The following HECW2 variants were observed in gnomAD, a reference collection of about 807,000 sequenced individuals.
HECW2 encodes E3 ubiquitin-protein ligase HECW2.
Under a neutral mutation model 175.2 loss-of-function variants are expected in HECW2, and 61 were observed. The observed-to-expected ratio is 0.35, with a 90% CI of 0.28 to 0.43. The LOEUF (loss-of-function observed/expected upper bound fraction) is 0.43, where lower values mean the gene tolerates loss of function less well. HECW2 is among the 20% of genes least tolerant of loss of function. HECW2 has a pLI of 1.00. For synonymous variants in HECW2, 671 were observed against 731.0 expected (o/e 0.92, Z 1.32); for missense variants, 1,524 against 2,000.5 (o/e 0.76, Z 4.54).
chr2:196,533,057 T>A (rs1003418802), intron 1 of HECW2, among the ~76,000 whole-genome samples: 3 of 152,240 alleles, frequency 2.0e-5, no homozygotes, highest in Admixed American at 6.5e-5. Context: ...GGAGACCAAC[T>A]GAATTTCCCC....
chr2:196,272,073 G>C lies in HECW2; in HGVS notation c.3239-784C>G, dbSNP rs545360244. Among the ~76,000 whole-genome samples the C allele has an allele frequency of 5.9e-5, 9 of 152,284 alleles. No homozygotes were observed. In the South Asian group the frequency reaches 1.9e-3, roughly 32 times the overall value. On this transcript the variant is annotated intron_variant, in intron 16 of 28. Transcript: ENST00000644978. ...AGTCAGAAATGAAAAACCATCTTCT[G>C]ATTGATTAGCAGCCAGCCAGGGAGG...
chr2:196,239,026 T>C (rs1203516764), intron 21 of HECW2: 3 of 152,234 alleles, frequency 2.0e-5, no homozygotes, highest in Non-Finnish European at 4.4e-5. Flanking sequence ...AGACTGATTA[T>C]GTAAGGAAAT....
chr2:196,372,174 G>T (rs1693926027), intron 2 of HECW2, among the ~76,000 whole-genome samples: 1 of 152,074 alleles, frequency 6.6e-6, no homozygotes, highest in South Asian at 2.1e-4. Flanking sequence ...TCATCTTAAT[G>T]CCAGGTCCCT....
chr2:196,259,281 C>T (rs1220475602), intron 17 of HECW2, among the ~76,000 whole-genome samples: 1 of 152,200 alleles, frequency 6.6e-6, no homozygotes, highest in Admixed American at 6.5e-5. Flanking sequence ...CCAAGTTGCA[C>T]TGATTTTTAT....
intron 28 of HECW2, among the ~76,000 whole-genome samples, chr2:196,206,975 G>C (rs10182960): frequency 0.11 from 16,781 of 152,166 alleles, 1,118 homozygotes; most frequent in African/African-American, 0.19. Context: ...AAGATTTGTA[G>C]GTGTGCAGGT....
At chr2:196,248,625 CACACACAG>C (rs1270362426) in intron 19 of HECW2, among the ~76,000 whole-genome samples, 16 of 143,990 alleles carry the variant, frequency 1.1e-4, no homozygotes, top group African/African-American at 4.4e-4. Flanking sequence ...CACACACACA[CACACACAG>C]AGAGAGACAG....
At chr2:196,487,327 C>T (rs1687044075) in intron 1 of HECW2, among the ~76,000 whole-genome samples, 1 of 151,956 alleles carries the variant, frequency 6.6e-6, no homozygotes, top group Non-Finnish European at 1.5e-5. Context: ...AACAAACAAG[C>T]AAAATAACAA....
chr2:196,563,820 A>T (rs1223816300), intron 1 of HECW2, among the ~76,000 whole-genome samples: 1 of 152,218 alleles, frequency 6.6e-6, no homozygotes, highest in African/African-American at 2.4e-5. Flanking sequence ...AATGCTATCT[A>T]TTAAATGAAA....
intron 1 of HECW2, among the ~76,000 whole-genome samples, chr2:196,496,314 T>C (rs1396549530): frequency 6.6e-6 from 1 of 152,128 alleles, no homozygotes; most frequent in East Asian, 1.9e-4. Context: ...CTCAGCATAT[T>C]TGTTGATGTT....
chr2:196,243,282 C>T (rs1688531591), intron 19 of HECW2, among the ~76,000 whole-genome samples: 1 of 151,004 alleles, frequency 6.6e-6, no homozygotes, highest in Non-Finnish European at 1.5e-5. Flanking sequence ...ATTGTCCTGC[C>T]TCAGCCTACT....
In HECW2 at chr2:196,307,965, G is replaced by A; in HGVS notation, c.2555C>T (p.Ser852Phe). Residue 852 changes from serine (S) to phenylalanine (F), a missense_variant, in exon 11 of 29, where the codon TCC (serine) becomes TTC (phenylalanine). By Grantham distance (155) the Ser-to-Phe change is radical. Transcript: ENST00000644978. ...GTTCAGCTGCTCCATTTGCTGTATGGAGTTAGATCTCTGCAGCACCTGCGG... is the reference window on the plus strand; with the variant it reads ...GTTCAGCTGCTCCATTTGCTGTATGAAGTTAGATCTCTGCAGCACCTGCGG... ...PAPQVLQRSNSIQQMEQLNRR... is the reference protein window; with the variant it reads ...PAPQVLQRSNFIQQMEQLNRR... The A allele has an allele frequency of 6.3e-7, 1 of 1,592,902 alleles. No homozygotes were observed. Among genetic ancestry groups the A allele is most frequent in the Non-Finnish European group, 8.6e-7 (1 of 1,165,184 alleles).
At chr2:196,271,346 T>G in intron 16 of HECW2, 57 bp from the exon 17 acceptor site, 1 of 1,309,006 alleles carries the variant, frequency 7.6e-7, no homozygotes, top group Non-Finnish European at 1.1e-6. Flanking sequence ...TTTAGTTTTA[T>G]GTATATAAAT....
intron 10 of HECW2, among the ~76,000 whole-genome samples, chr2:196,310,269 C>T: frequency 6.6e-6 from 1 of 152,182 alleles, no homozygotes; most frequent in Non-Finnish European, 1.5e-5. Context: ...TCATGGAACA[C>T]TGAACACATA....
intron 16 of HECW2, 91 bp downstream of exon 16, chr2:196,273,930 C>T (rs72923330): frequency 3.5e-6 from 3 of 866,040 alleles, no homozygotes; most frequent in Non-Finnish European, 5.5e-6. Context: ...CAAAAAGTAG[C>T]AGGCTAACAA....
intron 15 of HECW2, among the ~76,000 whole-genome samples, chr2:196,277,895 G>A (rs997362117): frequency 4.6e-4 from 64 of 140,628 alleles, no homozygotes; most frequent in African/African-American, 1.6e-3. Context: ...ACCAAACACC[G>A]CATATTCTCA....
At chr2:196,451,759 C>T (rs745971191) in intron 1 of HECW2, among the ~76,000 whole-genome samples, 6 of 152,100 alleles carry the variant, frequency 3.9e-5, no homozygotes, top group African/African-American at 9.7e-5. Context: ...ATTAGCCAGG[C>T]GTGGTGGCAC....
intron 2 of HECW2, among the ~76,000 whole-genome samples, chr2:196,387,395 C>A (rs1694379908): frequency 6.6e-6 from 1 of 152,148 alleles, no homozygotes; most frequent in African/African-American, 2.4e-5. Flanking sequence ...AGAGCTTGTT[C>A]ATCCCATTTT....
At position 196,238,069 on chromosome 2, in the gene HECW2, T is replaced by C. The variant is rs558676376; in HGVS notation, c.3764+2380A>G. Reference sequence around the variant, plus strand: ...AAGAGAAAGTAACAGAAAACCTCCATACAAAACAAATTAGCTGGGCGTGGT... The same window carrying C: ...AAGAGAAAGTAACAGAAAACCTCCACACAAAACAAATTAGCTGGGCGTGGT... On this transcript the variant is annotated intron_variant, in intron 21 of 28. Coordinates refer to ENST00000644978, the MANE Select transcript of HECW2 (RefSeq NM_001348768.2). Among the ~76,000 whole-genome samples the C allele has an allele frequency of 7.2e-5, 11 of 152,196 alleles. No homozygotes were observed. In the South Asian group the frequency reaches 1.7e-3, roughly 23 times the overall value.
At chr2:196,257,707 C>T (rs1311509291) in intron 18 of HECW2, 116 bp downstream of exon 18, 1 of 723,184 alleles carries the variant, frequency 1.4e-6, no homozygotes, top group Non-Finnish European at 2.3e-6. Flanking sequence ...TTCCACAAGT[C>T]TAAAGAATAA....
Sources: allele counts gnomAD v4.1 joint callset (sites outside exome capture counted in the v4.1 genomes callset), GRCh38; gene constraint gnomAD v4.1.1; transcripts MANE v1.5; gene names NCBI Gene and HGNC (gene_info 2026-07-23, HGNC 2026-07-21).